The following ERICH5 variants were observed in gnomAD, a reference collection of about 807,000 sequenced individuals.
The protein encoded by ERICH5 is glutamate rich 5, also known as glutamate-rich protein 5.
ERICH5 carries 24 observed loss-of-function variants against 28.0 expected under a neutral mutation model. That is an observed-to-expected ratio of 0.86 (90% CI 0.62 to 1.21). The LOEUF (loss-of-function observed/expected upper bound fraction) is 1.21. ERICH5 is among the 50% of genes most tolerant of loss of function. ERICH5 has a pLI of 0.00. For synonymous variants in ERICH5, 163 were observed against 157.6 expected (o/e 1.03, Z -0.25); for missense variants, 421 against 441.2 (o/e 0.95, Z 0.41).
rs56987729 is a variant in ERICH5 at position 98,064,941 on chromosome 8, T to C, written c.58+214T>C. Among the ~76,000 whole-genome samples the C allele has an allele frequency of 1.9e-3, 295 of 152,250 alleles. 2 individuals are homozygous for C. Among genetic ancestry groups the C allele is most frequent in the African/African-American group, 6.8e-3 (283 of 41,566 alleles). The stretch of plus-strand genomic sequence containing the variant: ...CGCGGGTGCGGCGGCCCTGGTGCGC[T>C]CCGCGGCGCTCGCTGCGAGACGCGC... On this transcript the variant is annotated intron_variant, in intron 1 of 2. Coordinates refer to ENST00000318528, the MANE Select transcript of ERICH5 (RefSeq NM_173549.3).
At chr8:98,087,804 T>C (rs1815308280) in intron 1 of ERICH5, among the ~76,000 whole-genome samples, 1 of 152,198 alleles carries the variant, frequency 6.6e-6, no homozygotes, top group Non-Finnish European at 1.5e-5. Flanking sequence ...TATTTTCTTA[T>C]TTTAGCATAT....
chr8:98,090,145 AGTTC>A (rs1563758931), intron 2 of ERICH5, 116 bp downstream of exon 2: 1 of 746,446 alleles, frequency 1.3e-6, no homozygotes, highest in Non-Finnish European at 2.1e-6. Flanking sequence ...AGGTGGTTGA[AGTTC>A]GTTTGACCAA....
intron 1 of ERICH5, among the ~76,000 whole-genome samples, chr8:98,076,115 G>A (rs1426178128): frequency 1.3e-5 from 2 of 152,038 alleles, no homozygotes; most frequent in African/African-American, 4.8e-5. Context: ...GTGCAATAGC[G>A]CGATCTCAGC....
chr8:98,077,578 C>T (rs1035602193), intron 1 of ERICH5, among the ~76,000 whole-genome samples: 1 of 152,126 alleles, frequency 6.6e-6, no homozygotes, highest in African/African-American at 2.4e-5. Context: ...AAGGAAACAA[C>T]TCTTTGTCAT....
chr8:98,069,480 C>T (rs922143150), intron 1 of ERICH5, among the ~76,000 whole-genome samples: 7 of 151,902 alleles, frequency 4.6e-5, no homozygotes, highest in South Asian at 4.2e-4. Flanking sequence ...CTATACCCAC[C>T]GTTCCTCACT....
intron 1 of ERICH5, 91 bp downstream of exon 1, chr8:98,064,818 C>T: frequency 1.9e-6 from 2 of 1,025,778 alleles, no homozygotes; most frequent in Non-Finnish European, 1.4e-6. Flanking sequence ...CCCGTGGCCA[C>T]CCCGCCTGGC....
At chr8:98,091,993 C>CCCCTTCCTTCCTTCCTTCCTTCCTT (rs1815416904) in intron 2 of ERICH5, among the ~76,000 whole-genome samples, 3 of 55,082 alleles carry the variant, frequency 5.4e-5, no homozygotes, top group Middle Eastern at 7.5e-3. Flanking sequence ...TCTCTCTCTC[C>CCCCTTCCTTCCTTCCTTCCTTCCTT]CCTTCCTTCC....
intron 2 of ERICH5, among the ~76,000 whole-genome samples, 175 bp downstream of exon 2, chr8:98,090,204 C>T (rs934466855): frequency 6.6e-6 from 1 of 152,080 alleles, no homozygotes; most frequent in Non-Finnish European, 1.5e-5. Flanking sequence ...TCTATTAATG[C>T]TCAGTTTGTC....
chr8:98,078,414 C>T (rs1815099628), intron 1 of ERICH5, among the ~76,000 whole-genome samples: 1 of 152,268 alleles, frequency 6.6e-6, no homozygotes, highest in South Asian at 2.1e-4. Context: ...AACACCAGGA[C>T]CCCCTTCCTT....
At chr8:98,072,061 T>C (rs1260068389) in intron 1 of ERICH5, among the ~76,000 whole-genome samples, 26 of 152,018 alleles carry the variant, frequency 1.7e-4, no homozygotes, top group Non-Finnish European at 4.4e-5. Flanking sequence ...CCCACATGGT[T>C]TTTAGCAGCT....
chr8:98,075,122 C>T (rs1815024737), intron 1 of ERICH5, among the ~76,000 whole-genome samples: 1 of 152,152 alleles, frequency 6.6e-6, no homozygotes, highest in Non-Finnish European at 1.5e-5. Flanking sequence ...ATAAACTGCC[C>T]TTCTCATCAC....
chr8:98,091,908 T>TCTTC (rs1182231219), intron 2 of ERICH5, among the ~76,000 whole-genome samples: 1 of 93,040 alleles, frequency 1.1e-5, no homozygotes, highest in African/African-American at 4.4e-5. Flanking sequence ...TTCCTTTCTT[T>TCTTC]CTTTCTTTCT....
rs1481041007 is a variant in ERICH5, at chr8:98,064,734, A to T, written c.58+7A>T. ...AGCAGCAGGTTCCCCAGCGGTGAGC[A>T]GGGTACCGGCGCCGCCCGCGCCCGG... On this transcript the variant is annotated splice_region_variant and intron_variant, in intron 1 of 2. Transcript: ENST00000318528. 9.2e-6 allele frequency: 14 copies of T among 1,527,790 alleles called. No homozygotes were observed. Among genetic ancestry groups the T allele is most frequent in the Non-Finnish European group, 1.2e-5 (14 of 1,140,440 alleles). 94.6% of individuals were successfully genotyped at this position (1,527,790 alleles called of 1,614,324 possible). A position where few individuals can be genotyped will look rare whatever the true frequency, so the allele number is the denominator to read the frequency against.
chr8:98,075,144 G>A (rs1815025307), intron 1 of ERICH5, among the ~76,000 whole-genome samples: 1 of 152,038 alleles, frequency 6.6e-6, no homozygotes, highest in Non-Finnish European at 1.5e-5. Context: ...TCATCTCAAA[G>A]GTACATGTGG....
rs746193173 is a variant in ERICH5 at position 98,089,231 on chromosome 8, A to G, written c.214A>G (p.Thr72Ala). The part of the protein sequence containing the change: ...LQKLKVSAEP[T>A]ANGVKPLQEQ... ...AAAGCTCAAGGTTTCAGCAGAGCCTACAGCTAATGGTGTTAAACCCCTCCA... is the reference window on the plus strand; with the variant it reads ...AAAGCTCAAGGTTTCAGCAGAGCCTGCAGCTAATGGTGTTAAACCCCTCCA... Residue 72 changes from threonine to alanine, a missense_variant, in exon 2 of 3, where the codon ACA becomes GCA. Thr to Ala is a moderately conservative substitution (Grantham distance 58). Transcript: ENST00000318528. The G allele has an allele frequency of 1.2e-6, 2 of 1,614,224 alleles. No individual in the cohort carries two copies. The highest frequency in any genetic ancestry group is 1.1e-5 in the South Asian group (1 of 91,088).
chr8:98,067,671 A>G (rs947117059), intron 1 of ERICH5, among the ~76,000 whole-genome samples: 2 of 151,418 alleles, frequency 1.3e-5, no homozygotes, highest in East Asian at 1.9e-4. Context: ...GCTGGAGTGC[A>G]ATGGCATGAT....
chr8:98,073,751 C>T (rs1184927214), intron 1 of ERICH5, among the ~76,000 whole-genome samples: 1 of 150,218 alleles, frequency 6.7e-6, no homozygotes, highest in African/African-American at 2.4e-5. Context: ...CCATGTTGGT[C>T]AGGCTGGCCT....
chr8:98,091,900 C>CTTTCTTTCTTTCTTTCTTTCCTTTCTTT, intron 2 of ERICH5, among the ~76,000 whole-genome samples: 5 of 74,708 alleles, frequency 6.7e-5, no homozygotes, highest in East Asian at 3.3e-4. Context: ...TTCTTTCTTT[C>CTTTCTTTCTTTCTTTCTTTCCTTTCTTT]CTTTCTTTCT....
At chr8:98,091,927 T>C (rs1815410320) in intron 2 of ERICH5, among the ~76,000 whole-genome samples, 3 of 72,824 alleles carry the variant, frequency 4.1e-5, no homozygotes, top group African/African-American at 1.1e-4. Context: ...CTTCCTTTCT[T>C]TCTTTCTTCC....
Sources: allele counts gnomAD v4.1 joint callset (sites outside exome capture counted in the v4.1 genomes callset), GRCh38; gene constraint gnomAD v4.1.1; transcripts MANE v1.5; gene names NCBI Gene and HGNC (gene_info 2026-07-23, HGNC 2026-07-21).